CNTNAP5: variants seen among roughly 807,000 people sequenced by gnomAD.
CNTNAP5 encodes contactin-associated protein-like 5.
CNTNAP5 carries 72 observed loss-of-function variants against 150.2 expected under a neutral mutation model. That is an observed-to-expected ratio of 0.48 (90% CI 0.40 to 0.58). The LOEUF is 0.58. Among genes scored for constraint, CNTNAP5 ranks in the 20% least tolerant of loss-of-function variants. The pLI is 0.00. For missense variants in CNTNAP5, 1,636 were observed against 1,626.2 expected (o/e 1.01, Z -0.10); for synonymous variants, 672 against 619.8 (o/e 1.08, Z -1.25).
chr2:124,831,964 G>T (rs762845818), intron 19 of CNTNAP5, among the ~76,000 whole-genome samples: 4 of 152,002 alleles, frequency 2.6e-5, no homozygotes, highest in Non-Finnish European at 4.4e-5. Flanking sequence ...TTAAATACAT[G>T]AGTATTTTGA....
At chr2:124,684,245 T>C (rs969444936) in intron 13 of CNTNAP5, among the ~76,000 whole-genome samples, 1 of 152,146 alleles carries the variant, frequency 6.6e-6, no homozygotes, top group Non-Finnish European at 1.5e-5. Context: ...GCTGTTAACA[T>C]GCAGTCCTGT....
At chr2:124,114,831 T>C (rs1008655274) in intron 1 of CNTNAP5, among the ~76,000 whole-genome samples, 4 of 151,562 alleles carry the variant, frequency 2.6e-5, no homozygotes, top group Admixed American at 6.6e-5. Flanking sequence ...ATATATTATA[T>C]GTACATATAT....
At chr2:124,621,449 C>A (rs913090273) in intron 12 of CNTNAP5, among the ~76,000 whole-genome samples, 2 of 152,206 alleles carry the variant, frequency 1.3e-5, no homozygotes, top group African/African-American at 4.8e-5. Flanking sequence ...TATCTTGTCA[C>A]TCTGGCTATT....
At chr2:124,236,154 C>T (rs1186067) in intron 2 of CNTNAP5, among the ~76,000 whole-genome samples, 27,704 of 151,836 alleles carry the variant, frequency 0.18, 2,843 homozygotes, top group East Asian at 0.35. Context: ...TGAGTAGAGA[C>T]GGGGTTTCAC....
chr2:124,441,275 T>C (rs148286323), intron 5 of CNTNAP5, among the ~76,000 whole-genome samples: 1,802 of 152,210 alleles, frequency 0.012, 13 homozygotes, highest in Non-Finnish European at 0.021. Flanking sequence ...GTCAGTGATA[T>C]ATAGTCTTCA....
In CNTNAP5 at chr2:124,778,365, A is replaced by C. The variant is rs796921258; in HGVS notation, c.2752+5348A>C. 17 of 152,346 alleles carry C rather than the reference A, an allele frequency of 1.1e-4. 1 individual carries two copies. The highest frequency in any genetic ancestry group is 3.8e-4 in the African/African-American group (16 of 41,578). The allele number at this position is 152,346 out of a possible 1,614,324, so 9.4% of individuals were successfully genotyped here. A position where few individuals can be genotyped will look rare whatever the true frequency, so the allele number is the denominator to read the frequency against. ...GGAAGTGTGTCGAAAACCTCCAGTA[A>C]GTCCTACTGGCCAAGTTATACTCTT... On this transcript the variant is annotated intron_variant, in intron 17 of 23. Transcript: ENST00000682447.
intron 13 of CNTNAP5, among the ~76,000 whole-genome samples, chr2:124,678,619 C>T (rs540574154): frequency 7.2e-5 from 11 of 151,812 alleles, no homozygotes; most frequent in African/African-American, 2.2e-4. Flanking sequence ...AAAGGATTCC[C>T]GAGGTGAGGG....
At chr2:124,338,867 A>G (rs1017778225) in intron 3 of CNTNAP5, among the ~76,000 whole-genome samples, 3 of 152,160 alleles carry the variant, frequency 2.0e-5, no homozygotes, top group Admixed American at 6.6e-5. Context: ...ACCAAAGGTT[A>G]TGGTTGCTCA....
intron 1 of CNTNAP5, among the ~76,000 whole-genome samples, chr2:124,217,933 C>T (rs1316363351): frequency 6.6e-6 from 1 of 152,066 alleles, no homozygotes; most frequent in Non-Finnish European, 1.5e-5. Flanking sequence ...TAGCTGGAAT[C>T]ATCCAATCAA....
At chr2:124,543,557 A>G (rs1476307270) in intron 10 of CNTNAP5, among the ~76,000 whole-genome samples, 1 of 152,188 alleles carries the variant, frequency 6.6e-6, no homozygotes, top group Non-Finnish European at 1.5e-5. Context: ...TGTGTCTGTA[A>G]CCATGTCGGC....
At chr2:124,307,856 C>T (rs187172570) in intron 3 of CNTNAP5, among the ~76,000 whole-genome samples, 1 of 152,270 alleles carries the variant, frequency 6.6e-6, no homozygotes, top group East Asian at 1.9e-4. Flanking sequence ...CCAGAGTCTT[C>T]CCTAAACCTG....
intron 3 of CNTNAP5, among the ~76,000 whole-genome samples, chr2:124,385,621 A>T (rs904776695): frequency 1.3e-5 from 2 of 152,210 alleles, no homozygotes; most frequent in East Asian, 1.9e-4. Context: ...TATTTTTTGG[A>T]TAAATGAATC....
chr2:124,319,603 C>T (rs1334392820), intron 3 of CNTNAP5, among the ~76,000 whole-genome samples: 4 of 152,080 alleles, frequency 2.6e-5, no homozygotes, highest in South Asian at 2.1e-4. Flanking sequence ...TTTTATTTTC[C>T]ACATTACTCA....
At chr2:124,893,611 G>T (rs1678245893) in intron 21 of CNTNAP5, among the ~76,000 whole-genome samples, 1 of 152,036 alleles carries the variant, frequency 6.6e-6, no homozygotes, top group African/African-American at 2.4e-5. Context: ...ATCCTGAGTG[G>T]AATGTAATAT....
intron 1 of CNTNAP5, among the ~76,000 whole-genome samples, chr2:124,114,057 G>T (rs1198652805): frequency 1.3e-5 from 2 of 151,892 alleles, no homozygotes; most frequent in Non-Finnish European, 2.9e-5. Flanking sequence ...AGGGAAAAAA[G>T]TCCCTCACCT....
At chr2:124,594,346 T>A (rs1367439476) in intron 11 of CNTNAP5, among the ~76,000 whole-genome samples, 3 of 150,946 alleles carry the variant, frequency 2.0e-5, no homozygotes, top group African/African-American at 7.3e-5. Flanking sequence ...GTTTCAGCTT[T>A]CTACATATGG....
intron 14 of CNTNAP5, among the ~76,000 whole-genome samples, chr2:124,747,628 T>A (rs1390799899): frequency 7.6e-6 from 1 of 131,114 alleles, no homozygotes; most frequent in Non-Finnish European, 1.6e-5. Context: ...TTTTTTTTTT[T>A]TTTTTTTTTT....
intron 1 of CNTNAP5, among the ~76,000 whole-genome samples, chr2:124,216,321 AG>A (rs1686153229): frequency 6.6e-6 from 1 of 152,150 alleles, no homozygotes; most frequent in Non-Finnish European, 1.5e-5. Context: ...TATATGAAAA[AG>A]GATTTGCATT....
At chr2:124,087,963 G>C (rs1462161476) in intron 1 of CNTNAP5, among the ~76,000 whole-genome samples, 5 of 152,096 alleles carry the variant, frequency 3.3e-5, no homozygotes, top group Non-Finnish European at 7.4e-5. Context: ...GGTTTCCTCA[G>C]CTCCTTGAAT....
Sources: allele counts gnomAD v4.1 joint callset (sites outside exome capture counted in the v4.1 genomes callset), GRCh38; gene constraint gnomAD v4.1.1; transcripts MANE v1.5; gene names NCBI Gene and HGNC (gene_info 2026-07-23, HGNC 2026-07-21).